The following HDAC9 variants were observed in gnomAD, a reference collection of about 807,000 sequenced individuals.
HDAC9 encodes the protein histone deacetylase 9.
HDAC9 carries 41 observed loss-of-function variants against 139.4 expected under a neutral mutation model. The ratio of observed to expected loss-of-function variants is 0.29; its 90% confidence interval spans 0.23 to 0.38. The LOEUF (loss-of-function observed/expected upper bound fraction) is 0.38, where lower values mean the gene tolerates loss of function less well. Ranked by LOEUF, HDAC9 falls within the 10% of genes least tolerant of loss-of-function variation. The pLI is 1.00. For synonymous variants in HDAC9, 517 were observed against 476.2 expected (o/e 1.09, Z -1.12); for missense variants, 1,147 against 1,297.0 (o/e 0.88, Z 1.78).
chr7:18,327,138 G>A (rs983745051), intron 1 of HDAC9, among the ~76,000 whole-genome samples: 2 of 151,488 alleles, frequency 1.3e-5, no homozygotes, highest in African/African-American at 4.8e-5. Flanking sequence ...TTATTTATTG[G>A]ACTATTTAAT....
intron 2 of HDAC9, among the ~76,000 whole-genome samples, chr7:18,204,706 C>T (rs1177282738): frequency 2.6e-5 from 4 of 151,608 alleles, no homozygotes; most frequent in African/African-American, 7.3e-5. Context: ...TCCTGTTGTG[C>T]ATGTTCATGT....
chr7:18,322,973 A>T (rs1800140309), intron 1 of HDAC9, among the ~76,000 whole-genome samples: 2 of 152,128 alleles, frequency 1.3e-5, no homozygotes, highest in Non-Finnish European at 2.9e-5. Context: ...GGATGGAGAA[A>T]GTATGACAGG....
chr7:18,525,433 A>G (rs1269559710), intron 2 of HDAC9, among the ~76,000 whole-genome samples: 1 of 152,172 alleles, frequency 6.6e-6, no homozygotes, highest in Non-Finnish European at 1.5e-5. Context: ...CTTTAAAATT[A>G]CTGTGTGAGT....
chr7:18,667,414 C>T (rs1403186467), intron 12 of HDAC9: 1 of 983,362 alleles, frequency 1.0e-6, no homozygotes, highest in Non-Finnish European at 1.2e-6. Context: ...AAGTATAATT[C>T]CATAATGACA....
intron 1 of HDAC9, among the ~76,000 whole-genome samples, chr7:18,436,234 G>A (rs1791191751): frequency 1.3e-5 from 2 of 152,068 alleles, no homozygotes; most frequent in Admixed American, 1.3e-4. Flanking sequence ...AAGTGGTATT[G>A]TCTAAAGTTT....
intron 22 of HDAC9, among the ~76,000 whole-genome samples, chr7:18,920,259 A>G (rs1001619682): frequency 2.6e-5 from 4 of 152,108 alleles, no homozygotes; most frequent in Admixed American, 6.6e-5. Flanking sequence ...CTTTGAAGCA[A>G]TTGTGAATGG....
intron 12 of HDAC9, among the ~76,000 whole-genome samples, chr7:18,726,136 A>T (rs1055911214): frequency 6.6e-6 from 1 of 152,262 alleles, no homozygotes; most frequent in African/African-American, 2.4e-5. Flanking sequence ...TTATAGATTT[A>T]TATGCAGCAT....
chr7:18,885,992 T>C (rs545885743), intron 22 of HDAC9, among the ~76,000 whole-genome samples: 7 of 152,302 alleles, frequency 4.6e-5, no homozygotes, highest in South Asian at 2.1e-4. Context: ...ACATTTATGA[T>C]TGCATGTAAT....
chr7:18,594,075 C>G, intron 6 of HDAC9, 46 bp downstream of exon 6: 1 of 1,603,170 alleles, frequency 6.2e-7, no homozygotes, highest in Non-Finnish European at 8.5e-7. Context: ...TGTAACACAC[C>G]TGTAAGTTTC....
At chr7:18,964,506 C>T (rs1783724612) in intron 24 of HDAC9, among the ~76,000 whole-genome samples, 1 of 152,160 alleles carries the variant, frequency 6.6e-6, no homozygotes, top group Non-Finnish European at 1.5e-5. Flanking sequence ...TTTCCAATAT[C>T]AGAATGCTTG....
intron 2 of HDAC9, among the ~76,000 whole-genome samples, chr7:18,240,596 AT>A (rs946203856): frequency 1.3e-4 from 19 of 151,566 alleles, no homozygotes; most frequent in East Asian, 5.8e-4. Context: ...CCATGATTTA[AT>A]TTTTTTTTGT....
At chr7:18,816,640 C>T (rs888145060) in intron 17 of HDAC9, among the ~76,000 whole-genome samples, 1 of 152,142 alleles carries the variant, frequency 6.6e-6, no homozygotes, top group African/African-American at 2.4e-5. Flanking sequence ...TCTCTCTGCT[C>T]CTAAATTGGT....
intron 6 of HDAC9, among the ~76,000 whole-genome samples, chr7:18,602,314 TA>T (rs1186195934): frequency 2.0e-5 from 3 of 152,092 alleles, no homozygotes; most frequent in Admixed American, 6.5e-5. Context: ...CTTTCATTTC[TA>T]ATATTAGTTA....
At chr7:18,895,566 T>G (rs555117860) in intron 22 of HDAC9, among the ~76,000 whole-genome samples, 1 of 152,276 alleles carries the variant, frequency 6.6e-6, no homozygotes, top group South Asian at 2.1e-4. Flanking sequence ...GATCAGCTCA[T>G]GAAGTGAGTC....
intron 19 of HDAC9, 128 bp downstream of exon 19, chr7:18,829,676 T>G: frequency 1.6e-6 from 1 of 618,130 alleles, no homozygotes; most frequent in Non-Finnish European, 2.8e-6. Flanking sequence ...TTCCTTTGAA[T>G]GTGGAAACTC....
chr7:18,316,905 AAC>A (rs1799690488), intron 1 of HDAC9, among the ~76,000 whole-genome samples: 2 of 151,786 alleles, frequency 1.3e-5, no homozygotes, highest in Admixed American at 6.6e-5. Flanking sequence ...CATCCTGGCT[AAC>A]ACAGTGAAAC....
chr7:18,912,140 A>C (rs1802795615), intron 22 of HDAC9, among the ~76,000 whole-genome samples: 1 of 152,026 alleles, frequency 6.6e-6, no homozygotes, highest in African/African-American at 2.4e-5. Flanking sequence ...ACATAGAATA[A>C]TATTTGCTTT....
chr7:18,196,613 T>C (rs1000315962), intron 2 of HDAC9, among the ~76,000 whole-genome samples: 3 of 152,132 alleles, frequency 2.0e-5, no homozygotes, highest in African/African-American at 7.2e-5. Context: ...AAGCAATATA[T>C]AATAAGAAAA....
chr7:18,487,386 G>A (rs923054319), intron 1 of HDAC9, among the ~76,000 whole-genome samples: 3 of 152,002 alleles, frequency 2.0e-5, no homozygotes, highest in African/African-American at 7.2e-5. Context: ...TAATATCCAG[G>A]AATTGTGTCT....
Sources: allele counts gnomAD v4.1 joint callset (sites outside exome capture counted in the v4.1 genomes callset), GRCh38; gene constraint gnomAD v4.1.1; transcripts MANE v1.5; gene names NCBI Gene and HGNC (gene_info 2026-07-23, HGNC 2026-07-21).